LSG1: variants seen among roughly 807,000 people sequenced by gnomAD.
LSG1 encodes the protein large 60S subunit nuclear export GTPase 1, also known as large subunit GTPase 1 homolog.
LSG1 carries 55 observed loss-of-function variants against 82.6 expected under a neutral mutation model. The ratio of observed to expected loss-of-function variants is 0.67; its 90% CI spans 0.54 to 0.83. The LOEUF is 0.83. Among genes scored for constraint, LSG1 ranks in the 40% least tolerant of loss-of-function variants. The pLI is 0.00. For synonymous variants in LSG1, 272 were observed against 282.5 expected (o/e 0.96, Z 0.37); for missense variants, 809 against 807.9 (o/e 1.00, Z -0.02).
Position 194,658,970 on chromosome 3 carries a change from T to C in LSG1, c.746A>G (p.Asn249Ser), listed in dbSNP as rs1718864343. The stretch of plus-strand genomic sequence containing the variant: ...CCCTCAGGTTACCTCAGAGTCACCA[T>C]TCAGGGGAATGGCTCCGGCCAAAGC... ...WSALAGAIPL[N>S]GDSEEEANRD... Residue 249 changes from asparagine (N) to serine (S), a missense_variant, in exon 7 of 14, where the codon AAT (asparagine) becomes AGT (serine). Asn to Ser is a conservative substitution (Grantham distance 46, BLOSUM62 1). Transcript: ENST00000265245. The C allele has an allele frequency of 6.2e-7, 1 of 1,613,784 alleles. No homozygotes were observed. The highest frequency in any genetic ancestry group is 8.5e-7 in the Non-Finnish European group (1 of 1,179,858).
chr3:194,661,251 T>A (rs773445763), intron 5 of LSG1, among the ~76,000 whole-genome samples: 6 of 152,244 alleles, frequency 3.9e-5, no homozygotes, highest in Non-Finnish European at 8.8e-5. Context: ...CTGCTTCTAG[T>A]ATTTCCTTCT....
chr3:194,657,733 T>C (rs1718826414), intron 7 of LSG1, among the ~76,000 whole-genome samples: 1 of 152,080 alleles, frequency 6.6e-6, no homozygotes. Flanking sequence ...ATGAGGAATA[T>C]GAAAGCTGAA....
chr3:194,657,176 G>T (rs1211501142), intron 7 of LSG1, among the ~76,000 whole-genome samples: 1 of 96,650 alleles, frequency 1.0e-5, no homozygotes, highest in South Asian at 4.8e-4. Flanking sequence ...GAAAAAAAAG[G>T]CAACCTTAAA....
Position 194,665,622 on chromosome 3 carries a change from C to CA in LSG1, c.455dup (p.Ile153AspfsTer6). The stretch of plus-strand genomic sequence containing the variant: ...AATTTCGTTCAAATGGAGTCAATAT[C>CA]AGCTTCTGTTCCTCTTCTAGCCTAG... On this transcript the variant is annotated frameshift_variant, in exon 5 of 14. Transcript: ENST00000265245. LOFTEE classifies it high-confidence loss of function. 1 of 1,612,612 alleles carries CA rather than the reference C, an allele frequency of 6.2e-7. No homozygotes were observed. The highest frequency in any genetic ancestry group is 1.1e-5 in the South Asian group (1 of 90,884).
Position 194,665,584 on chromosome 3 carries a change from C to A in LSG1, c.494G>T (p.Arg165Leu), listed in dbSNP as rs376280732. The change falls in exon 5 of 14, where the codon CGC becomes CTC. Residue 165 changes from arginine (R) to leucine (L), a missense_variant. By Grantham distance (102) the Arg-to-Leu change is moderately radical. Coordinates refer to ENST00000265245, the MANE Select transcript of LSG1 (RefSeq NM_018385.3). ...TPFERNLDFW[R>L]QLWRVIERSD... ...TCTCTCAATGACTCTCCAGAGCTGG[C>A]GCCAAAAGTCCAAATTTCGTTCAAA... 1 of 1,613,174 alleles carries A rather than the reference C, an allele frequency of 6.2e-7. No individual in the cohort carries two copies. The highest frequency in any genetic ancestry group is 2.2e-5 in the East Asian group (1 of 44,846).
intron 8 of LSG1, 185 bp from the exon 9 acceptor site, chr3:194,651,401 A>G: frequency 1.7e-6 from 1 of 588,318 alleles, no homozygotes; most frequent in South Asian, 2.1e-5. Flanking sequence ...TTATTCAGAC[A>G]CATCTCCAGT....
chr3:194,665,870 A>T (rs556585523), intron 4 of LSG1, among the ~76,000 whole-genome samples: 11 of 152,336 alleles, frequency 7.2e-5, no homozygotes, highest in African/African-American at 2.6e-4. Flanking sequence ...CTGGAAGTTT[A>T]CCTATCACAC....
At chr3:194,659,272 C>T (rs1718873047) in intron 6 of LSG1, 139 bp from the exon 7 acceptor site, 3 of 651,676 alleles carry the variant, frequency 4.6e-6, no homozygotes, top group Non-Finnish European at 8.0e-6. Context: ...TTAATCATGA[C>T]ACATTATACT....
In LSG1 at chr3:194,642,045, G is replaced by A. The variant is rs372627592; in HGVS notation, c.*23C>T. ...TCTTTTCCATCTGCACAATGCAGAT[G>A]ACATTTCTGTTGCAGCCCAACCTCA... On this transcript the variant is annotated 3_prime_UTR_variant, in exon 14 of 14. Coordinates refer to ENST00000265245, the MANE Select transcript of LSG1 (RefSeq NM_018385.3). 1 of 1,609,698 alleles carries A rather than the reference G, an allele frequency of 6.2e-7. No individual in the cohort carries two copies. Among genetic ancestry groups the A allele is most frequent in the Non-Finnish European group, 8.5e-7 (1 of 1,178,724 alleles).
Position 194,672,174 on chromosome 3 carries a change from C to A in LSG1, c.-12G>T, listed in dbSNP as rs760626521. 6.3e-7 allele frequency: 1 copy of A among 1,587,326 alleles called. No homozygotes were observed. The highest frequency in any genetic ancestry group is 8.6e-7 in the Non-Finnish European group (1 of 1,168,742). On this transcript the variant is annotated 5_prime_UTR_variant, in exon 1 of 14. Transcript: ENST00000265245. ...CTCCTCCGGCCCATGGCAACACGAC[C>A]GCTGGACGAAGCTTCCCGGCTCGGC...
chr3:194,666,465 A>G lies in LSG1; in HGVS notation c.334T>C (p.Cys112Arg), dbSNP rs1235601945. 1.2e-6 allele frequency: 2 copies of G among 1,614,136 alleles called. No homozygotes were observed. Among genetic ancestry groups the G allele is most frequent in the East Asian group, 4.5e-5 (2 of 44,872 alleles). Residue 112 changes from cysteine (C) to arginine (R), a missense_variant, in exon 3 of 14, where the codon TGT becomes CGT. Transcript: ENST00000265245. ...KLHEENKQFLCIPRRPNWNQN... is the reference protein window; with the variant it reads ...KLHEENKQFLRIPRRPNWNQN... ...TCTTCAGCTCACCTCCTCGGTATAC[A>G]CAAGAACTGTTTGTTTTCTTCATGG... is the stretch of plus-strand genomic sequence containing the variant.
intron 6 of LSG1, among the ~76,000 whole-genome samples, chr3:194,659,806 A>T (rs1350098497): frequency 6.6e-6 from 1 of 152,260 alleles, no homozygotes; most frequent in Non-Finnish European, 1.5e-5. Flanking sequence ...CAAATGGGAA[A>T]CCGGCAAATG....
chr3:194,644,185 A>G (rs994932415), intron 13 of LSG1, among the ~76,000 whole-genome samples: 1 of 151,904 alleles, frequency 6.6e-6, no homozygotes, highest in Non-Finnish European at 1.5e-5. Flanking sequence ...ACAAGGTGAA[A>G]CCCCGTCTCT....
Position 194,660,895 on chromosome 3 carries a change from A to G in LSG1, c.522-762T>C, listed in dbSNP as rs1438716715. The G allele has an allele frequency of 6.6e-6, 3 of 456,444 alleles. No individual in the cohort carries two copies. In the East Asian group the frequency reaches 2.1e-4, roughly 32 times the overall value. 28.3% of individuals were successfully genotyped at this position (456,444 alleles called of 1,614,324 possible). A position where few individuals can be genotyped will look rare whatever the true frequency, so the allele number is the denominator to read the frequency against. The stretch of plus-strand genomic sequence containing the variant: ...ACTACAGGTGTCCAGCACTGCAAGG[A>G]GAAAAAAAAATTCCCTTCTATGGGA... On this transcript the variant is annotated intron_variant, in intron 5 of 13. Transcript: ENST00000265245.
chr3:194,669,505 C>T (rs887268853), intron 2 of LSG1, among the ~76,000 whole-genome samples: 1 of 152,152 alleles, frequency 6.6e-6, no homozygotes, highest in Non-Finnish European at 1.5e-5. Flanking sequence ...TCACATCCCG[C>T]CCCCTGCACC....
Position 194,641,770 on chromosome 3 carries a change from C to G in LSG1, c.*298G>C. On this transcript the variant is annotated 3_prime_UTR_variant, in exon 14 of 14. Transcript: ENST00000265245. ...CTGGGATTACAGGTGCGCGCCACCA[C>G]GCCTGGCTAATTTTTTTGTATTTTT... The G allele has an allele frequency of 4.6e-6, 1 of 219,250 alleles. No homozygotes were observed. Among genetic ancestry groups the G allele is most frequent in the South Asian group, 1.2e-4 (1 of 8,050 alleles). The allele number at this position is 219,250 out of a possible 1,614,324, so 13.6% of individuals were successfully genotyped here. A position where few individuals can be genotyped will look rare whatever the true frequency, so the allele number is the denominator to read the frequency against.
At chr3:194,642,268 T>C in intron 13 of LSG1, 21 bp from the exon 14 acceptor site, 1 of 1,604,356 alleles carries the variant, frequency 6.2e-7, no homozygotes. Context: ...AGAGAAAACA[T>C]TATCTGAGCT....
rs117221099 is a variant in LSG1 at position 194,652,428 on chromosome 3, C to T, written c.1173+301G>A. Among the ~76,000 whole-genome samples, 11 of 152,336 alleles carry T rather than the reference C, an allele frequency of 7.2e-5. No homozygotes were observed. The East Asian group carries it at 2.1e-3, about 29-fold the overall frequency. ...GGCTGAAGTCTGAAGACAACATTAA[C>T]ATCTCTCTCATTCTGCTGTCTTGGT... On this transcript the variant is annotated intron_variant, in intron 8 of 13. Transcript: ENST00000265245.
intron 7 of LSG1, among the ~76,000 whole-genome samples, chr3:194,658,641 C>G (rs1031022420): frequency 1.3e-5 from 2 of 152,166 alleles, no homozygotes; most frequent in Admixed American, 6.5e-5. Flanking sequence ...CTCTTGTGTT[C>G]TGACTTCTCT....
Sources: gnomAD v4.1 joint callset for allele counts (sites outside exome capture counted in the v4.1 genomes callset) on GRCh38, gnomAD v4.1.1 for gene constraint, MANE v1.5 for transcripts, NCBI Gene and HGNC (gene_info 2026-07-23, HGNC 2026-07-21) for gene names.